C7: variants seen among roughly 807,000 people sequenced by gnomAD.
The protein encoded by C7 is complement C7.
A neutral mutation model predicts 104.8 loss-of-function variants in C7; 83 were observed. The ratio of observed to expected loss-of-function variants is 0.79; its 90% CI spans 0.66 to 0.95. The LOEUF (loss-of-function observed/expected upper bound fraction) is 0.95, where lower values mean the gene tolerates loss of function less well. Ranked by LOEUF, C7 falls within the 40% of genes least tolerant of loss-of-function variation. The pLI is 0.00. For synonymous variants in C7, 415 were observed against 360.6 expected (o/e 1.15, Z -1.71); for missense variants, 1,070 against 1,011.2 (o/e 1.06, Z -0.79).
intron 15 of C7, chr5:40,976,528 A>G (rs1016234504): frequency 1.2e-5 from 4 of 338,500 alleles, no homozygotes; most frequent in South Asian, 9.3e-5. Context: ...TGTTCACGAG[A>G]TGGTAGCTAT....
At chr5:40,912,196 G>A (rs1234251214) in intron 1 of C7, among the ~76,000 whole-genome samples, 1 of 151,864 alleles carries the variant, frequency 6.6e-6, no homozygotes, top group East Asian at 1.9e-4. Context: ...CCTAAGGCTA[G>A]CCAAATTTCA....
At chr5:40,978,159 A>G (rs1183725851) in intron 16 of C7, among the ~76,000 whole-genome samples, 1 of 150,320 alleles carries the variant, frequency 6.7e-6, no homozygotes, top group African/African-American at 2.5e-5. Flanking sequence ...AAAAAAAAAA[A>G]AGAACCAAAA....
intron 6 of C7, among the ~76,000 whole-genome samples, chr5:40,941,091 A>C (rs1338533685): frequency 1.4e-5 from 2 of 147,332 alleles, no homozygotes; most frequent in Non-Finnish European, 3.0e-5. Flanking sequence ...AGGGAGTCTC[A>C]TTCACCCATT....
chr5:40,980,027 A>G lies in C7; in HGVS notation c.2350+118A>G, dbSNP rs533605478. 683 of 868,100 alleles carry G rather than the reference A, an allele frequency of 7.9e-4. 4 individuals carry two copies. The highest frequency in any genetic ancestry group is 1.2e-3 in the Admixed American group (38 of 31,184). The allele number at this position is 868,100 out of a possible 1,614,324, so 53.8% of individuals were successfully genotyped here. A position where few individuals can be genotyped will look rare whatever the true frequency, so the allele number is the denominator to read the frequency against. ...AAGAAGATACTTGAGGATGTTAAAG[A>G]CTCAGACTGATTTGACATGCACTGA... On this transcript the variant is annotated intron_variant, in intron 17 of 17. Transcript: ENST00000313164.
At chr5:40,972,665 T>C (rs555189646) in intron 15 of C7, 71 bp downstream of exon 15, 11 of 1,261,658 alleles carry the variant, frequency 8.7e-6, no homozygotes, top group Non-Finnish European at 1.2e-5. Flanking sequence ...GCGACCTTCA[T>C]GGTACTGTAT....
chr5:40,960,978 G>C (rs1342312242), intron 12 of C7, among the ~76,000 whole-genome samples: 3 of 152,106 alleles, frequency 2.0e-5, no homozygotes, highest in East Asian at 1.9e-4. Context: ...TAGGACTTCT[G>C]TTCTCCCATC....
chr5:40,931,044 A>G lies in C7; in HGVS notation c.63-20A>G. 6.4e-7 allele frequency: 1 copy of G among 1,573,308 alleles called. No individual in the cohort carries two copies. The highest frequency in any genetic ancestry group is 8.7e-7 in the Non-Finnish European group (1 of 1,143,330). ...TATCTTTCCACCTGCTTTATGATGG[A>G]CAATTTGACACTGTGGCAGTGCCTC... On this transcript the variant is annotated intron_variant, in intron 2 of 17. Coordinates refer to ENST00000313164, the MANE Select transcript of C7 (RefSeq NM_000587.4).
At chr5:40,911,388 C>T (rs183317231) in intron 1 of C7, among the ~76,000 whole-genome samples, 17 of 152,314 alleles carry the variant, frequency 1.1e-4, no homozygotes, top group South Asian at 6.2e-4. Context: ...TTGGTTCTCT[C>T]TGTGTTCTTG....
chr5:40,972,014 A>G (rs1191657280), intron 14 of C7: 6 of 452,148 alleles, frequency 1.3e-5, no homozygotes, highest in African/African-American at 1.0e-4. Flanking sequence ...TCAGACGGCA[A>G]AATATCCAAC....
At chr5:40,964,493 A>C in intron 13 of C7, 4 of 336,438 alleles carry the variant, frequency 1.2e-5, no homozygotes, top group Non-Finnish European at 1.6e-5. Flanking sequence ...AATGCTTAGT[A>C]TAGTCCTTGG....
intron 1 of C7, among the ~76,000 whole-genome samples, chr5:40,924,334 G>A (rs1264796372): frequency 6.6e-6 from 1 of 152,174 alleles, no homozygotes; most frequent in Non-Finnish European, 1.5e-5. Flanking sequence ...GCTGTGAGGG[G>A]TGAGCTCCAC....
intron 1 of C7, among the ~76,000 whole-genome samples, chr5:40,916,350 C>A (rs188561468): frequency 1.3e-5 from 2 of 152,090 alleles, no homozygotes; most frequent in African/African-American, 2.4e-5. Context: ...AAACATCAAA[C>A]GGACCACCCA....
intron 9 of C7, among the ~76,000 whole-genome samples, chr5:40,950,339 T>C (rs916251065): frequency 7.2e-5 from 11 of 152,196 alleles, no homozygotes; most frequent in Non-Finnish European, 1.2e-4. Flanking sequence ...TTGCTAAGAA[T>C]AATGGCTTCC....
chr5:40,979,999 C>A (rs988399179), intron 17 of C7, 90 bp downstream of exon 17: 45 of 1,149,832 alleles, frequency 3.9e-5, no homozygotes, highest in Non-Finnish European at 5.3e-5. Flanking sequence ...TAGCAGTGGG[C>A]CGAAGAAGAT....
At chr5:40,969,990 C>T (rs77969351) in intron 14 of C7, among the ~76,000 whole-genome samples, 2,039 of 151,736 alleles carry the variant, frequency 0.013, 36 homozygotes, top group African/African-American at 0.047. Flanking sequence ...AAACAGCAAA[C>T]GCATTAGAAA....
At chr5:40,916,834 T>C (rs1479834580) in intron 1 of C7, among the ~76,000 whole-genome samples, 2 of 152,208 alleles carry the variant, frequency 1.3e-5, no homozygotes, top group East Asian at 1.9e-4. Context: ...AATGGCTCAA[T>C]TGAGCTAATT....
intron 14 of C7, among the ~76,000 whole-genome samples, chr5:40,968,596 A>AT (rs1740620109): frequency 8.5e-5 from 2 of 23,422 alleles, no homozygotes; most frequent in African/African-American, 4.3e-4. Context: ...ATATATATAT[A>AT]TATATTTTTT....
chr5:40,975,021 A>G (rs1037234985), intron 15 of C7, among the ~76,000 whole-genome samples: 2 of 152,168 alleles, frequency 1.3e-5, no homozygotes, highest in Non-Finnish European at 2.9e-5. Context: ...AGATGTCCCT[A>G]GTGATTTCCA....
At chr5:40,965,834 G>T (rs933443232) in intron 14 of C7, among the ~76,000 whole-genome samples, 2 of 151,468 alleles carry the variant, frequency 1.3e-5, no homozygotes, top group Admixed American at 6.6e-5. Context: ...GTAGAGACAG[G>T]GTTTCACTAT....
Sources: allele counts gnomAD v4.1 joint callset (sites outside exome capture counted in the v4.1 genomes callset), GRCh38; gene constraint gnomAD v4.1.1; transcripts MANE v1.5; gene names NCBI Gene and HGNC (gene_info 2026-07-23, HGNC 2026-07-21).